SNTG1: variants seen among roughly 807,000 people sequenced by gnomAD.
The protein encoded by SNTG1 is syntrophin gamma 1, also known as gamma-1-syntrophin.
In SNTG1, 39 loss-of-function variants were observed where a neutral mutation model predicts 74.7. The observed-to-expected ratio is 0.52, with a 90% confidence interval of 0.40 to 0.68. SNTG1 has a LOEUF of 0.68. Ranked by LOEUF, SNTG1 falls within the 30% of genes least tolerant of loss-of-function variation. SNTG1 has a pLI of 0.00. For synonymous variants in SNTG1, 254 were observed against 217.1 expected, an observed-to-expected ratio of 1.17 and a Z score of -1.49; for missense variants, 685 against 609.5, an observed-to-expected ratio of 1.12 and a Z score of -1.30.
At chr8:50,719,931 A>G (rs568330222) in intron 17 of SNTG1, among the ~76,000 whole-genome samples, 11 of 152,308 alleles carry the variant, frequency 7.2e-5, no homozygotes, top group Admixed American at 4.6e-4. Flanking sequence ...GAATTTTTTA[A>G]TATAGTTGAT....
intron 5 of SNTG1, among the ~76,000 whole-genome samples, chr8:50,446,658 C>G (rs149613630): frequency 6.6e-6 from 1 of 152,036 alleles, no homozygotes; most frequent in Non-Finnish European, 1.5e-5. Flanking sequence ...AGCCTGTGAA[C>G]AGAGCGAGAC....
chr8:50,052,907 CA>C (rs1819696588), intron 1 of SNTG1, among the ~76,000 whole-genome samples: 1 of 152,094 alleles, frequency 6.6e-6, no homozygotes, highest in African/African-American at 2.4e-5. Flanking sequence ...AGAAAACAGA[CA>C]GTAATAAATG....
intron 2 of SNTG1, among the ~76,000 whole-genome samples, chr8:50,230,949 A>C (rs529271503): frequency 3.0e-4 from 45 of 151,616 alleles, no homozygotes; most frequent in African/African-American, 1.0e-3. Context: ...AACAAGAGTG[A>C]ACAGTCAACC....
At chr8:50,684,549 C>T (rs1427855300) in intron 15 of SNTG1, among the ~76,000 whole-genome samples, 1 of 151,728 alleles carries the variant, frequency 6.6e-6, no homozygotes, top group Non-Finnish European at 1.5e-5. Flanking sequence ...ATAATGAAAA[C>T]TGATTTAAGT....
At chr8:50,164,613 T>A (rs1364353360) in intron 1 of SNTG1, among the ~76,000 whole-genome samples, 1 of 152,206 alleles carries the variant, frequency 6.6e-6, no homozygotes, top group Non-Finnish European at 1.5e-5. Flanking sequence ...TAATATAAAT[T>A]TCACTTATTT....
chr8:50,054,919 C>T (rs899711024), intron 1 of SNTG1, among the ~76,000 whole-genome samples: 6 of 152,108 alleles, frequency 3.9e-5, no homozygotes, highest in African/African-American at 1.4e-4. Context: ...TCAAGTGTTC[C>T]TCTGACCTCG....
At chr8:50,224,428 G>A (rs1586754959) in intron 2 of SNTG1, among the ~76,000 whole-genome samples, 2 of 152,302 alleles carry the variant, frequency 1.3e-5, no homozygotes, top group Middle Eastern at 6.8e-3. Flanking sequence ...CTGTCATGCA[G>A]GATCCAGAAC....
intron 17 of SNTG1, among the ~76,000 whole-genome samples, chr8:50,738,060 G>A (rs2095533439): frequency 1.3e-5 from 2 of 152,006 alleles, no homozygotes; most frequent in Admixed American, 1.3e-4. Flanking sequence ...TCTGGCCAGG[G>A]CAATCAGGCA....
intron 17 of SNTG1, among the ~76,000 whole-genome samples, chr8:50,735,312 CA>C (rs1482864155): frequency 1.3e-5 from 2 of 151,338 alleles, no homozygotes; most frequent in Non-Finnish European, 3.0e-5. Flanking sequence ...TAATATTAGA[CA>C]AAAACTCCTC....
At chr8:50,273,209 C>T (rs1262550468) in intron 2 of SNTG1, among the ~76,000 whole-genome samples, 1 of 152,050 alleles carries the variant, frequency 6.6e-6, no homozygotes, top group Admixed American at 6.6e-5. Flanking sequence ...ATTATAAGGG[C>T]TTTGAGGGAA....
intron 11 of SNTG1, among the ~76,000 whole-genome samples, chr8:50,538,735 G>A (rs1035118194): frequency 6.6e-6 from 1 of 151,908 alleles, no homozygotes; most frequent in African/African-American, 2.4e-5. Context: ...CACCAAATTA[G>A]GAAAGTTTTT....
At chr8:50,394,928 T>C (rs1055609787) in intron 3 of SNTG1, among the ~76,000 whole-genome samples, 1 of 151,950 alleles carries the variant, frequency 6.6e-6, no homozygotes, top group Non-Finnish European at 1.5e-5. Flanking sequence ...TACTTGCAGC[T>C]TAAAAATGTT....
At chr8:50,092,398 T>C (rs965504155) in intron 1 of SNTG1, among the ~76,000 whole-genome samples, 1 of 152,152 alleles carries the variant, frequency 6.6e-6, no homozygotes. Context: ...TTCCGTACTC[T>C]GAAGTCTACA....
At chr8:50,204,885 C>A (rs557530530) in intron 2 of SNTG1, among the ~76,000 whole-genome samples, 3 of 152,320 alleles carry the variant, frequency 2.0e-5, no homozygotes, top group African/African-American at 4.8e-5. Context: ...CATGTCCCTA[C>A]AAAGGACGTG....
rs79608330 is a variant in SNTG1, at chr8:49,997,172, T to C, written c.-103+84941T>C. Among the ~76,000 whole-genome samples, 557 of 152,262 alleles carry C rather than the reference T, an allele frequency of 3.7e-3. 2 individuals carry two copies. The highest frequency in any genetic ancestry group is 6.7e-3 in the Non-Finnish European group (454 of 67,990). On this transcript the variant is annotated intron_variant, in intron 1 of 18. Coordinates refer to ENST00000642720, the MANE Select transcript of SNTG1 (RefSeq NM_018967.5). ...CTAAATGAACACTGAGGAATCAGAA[T>C]TGTACACATTTTATTGTGATAATTA... is the stretch of plus-strand genomic sequence containing the variant.
chr8:50,355,660 G>T (rs2091797227), intron 2 of SNTG1, among the ~76,000 whole-genome samples: 1 of 152,198 alleles, frequency 6.6e-6, no homozygotes, highest in African/African-American at 2.4e-5. Flanking sequence ...GTCATCAGTT[G>T]CTGCTGCTGA....
intron 1 of SNTG1, among the ~76,000 whole-genome samples, chr8:49,940,906 C>A (rs1808627485): frequency 6.6e-6 from 1 of 152,140 alleles, no homozygotes; most frequent in Non-Finnish European, 1.5e-5. Context: ...AGGAAATGAT[C>A]TCTTAGCTGA....
chr8:49,957,523 C>T (rs1810284243), intron 1 of SNTG1, among the ~76,000 whole-genome samples: 1 of 152,106 alleles, frequency 6.6e-6, no homozygotes, highest in African/African-American at 2.4e-5. Flanking sequence ...CTCCACACAC[C>T]AGATGAGTGA....
intron 1 of SNTG1, among the ~76,000 whole-genome samples, chr8:50,011,625 T>A (rs1285857662): frequency 6.7e-6 from 1 of 148,980 alleles, no homozygotes. Flanking sequence ...AAGGTGAAAT[T>A]AAAAAAAAAA....
Sources: allele counts gnomAD v4.1 joint callset (sites outside exome capture counted in the v4.1 genomes callset), GRCh38; gene constraint gnomAD v4.1.1; transcripts MANE v1.5; gene names NCBI Gene and HGNC (gene_info 2026-07-23, HGNC 2026-07-21).